The following SLC38A10 variants were observed in gnomAD, a reference collection of about 807,000 sequenced individuals.
SLC38A10 encodes the protein Sodium-coupled neutral amino acid transporter 10.
A neutral mutation model predicts 81.0 loss-of-function variants in SLC38A10; 53 were observed. That is an observed-to-expected ratio of 0.65 (90% confidence interval 0.53 to 0.82). The LOEUF (loss-of-function observed/expected upper bound fraction) is 0.82. Ranked by LOEUF, SLC38A10 falls within the 40% of genes least tolerant of loss-of-function variation. The pLI is 0.00. For missense variants in SLC38A10, 1,471 were observed against 1,545.0 expected (o/e 0.95, Z 0.80); for synonymous variants, 665 against 655.3 (o/e 1.01, Z -0.23).
At chr17:81,284,031 C>T (rs1256368611) in intron 3 of SLC38A10, among the ~76,000 whole-genome samples, 4 of 151,976 alleles carry the variant, frequency 2.6e-5, no homozygotes. Context: ...GTATTATACT[C>T]GCCCCTCTGC....
chr17:81,269,826 A>G (rs1323967888), intron 10 of SLC38A10, among the ~76,000 whole-genome samples: 1 of 151,852 alleles, frequency 6.6e-6, no homozygotes, highest in East Asian at 2.0e-4. Context: ...CTCACTAAAA[A>G]TACAAAATTA....
At chr17:81,274,656 C>T (rs73358138) in intron 8 of SLC38A10, among the ~76,000 whole-genome samples, 4,803 of 152,280 alleles carry the variant, frequency 0.032, 152 homozygotes, top group African/African-American at 0.084. Context: ...GGCGTCTGCA[C>T]CCCCATGCTC....
intron 14 of SLC38A10, among the ~76,000 whole-genome samples, chr17:81,248,763 TC>T (rs1486346063): frequency 6.6e-6 from 1 of 152,210 alleles, no homozygotes; most frequent in African/African-American, 2.4e-5. Flanking sequence ...GTCAGCATTC[TC>T]CCAGGAACGC....
intron 6 of SLC38A10, among the ~76,000 whole-genome samples, chr17:81,278,540 T>A (rs982953467): frequency 1.2e-4 from 18 of 151,994 alleles, no homozygotes; most frequent in African/African-American, 3.1e-4. Context: ...ACATGAGCCT[T>A]CCCCTCGGCC....
chr17:81,294,651 A>T (rs2063333933), intron 1 of SLC38A10, among the ~76,000 whole-genome samples, 172 bp downstream of exon 1: 1 of 152,096 alleles, frequency 6.6e-6, no homozygotes, highest in Non-Finnish European at 1.5e-5. Flanking sequence ...CTTCTCATCC[A>T]CGGATTCTCT....
rs1464875893 is a variant in SLC38A10 at position 81,270,753 on chromosome 17, A to T, written c.1131+165T>A. 6.6e-6 allele frequency among the ~76,000 whole-genome samples: 1 copy of T among 152,148 alleles called. No individual in the cohort carries two copies. Among genetic ancestry groups the T allele is most frequent in the Admixed American group, 6.5e-5 (1 of 15,268 alleles). ...GGGCAAAGACCGTGCGTCCTGGTGA[A>T]CCCAGGGTTCCCCAGGCTGACTGGA... On this transcript the variant is annotated intron_variant, in intron 10 of 15. Transcript: ENST00000374759. This position sits in a 1 kb window ranked among gnomAD's most constrained non-coding sequence, Gnocchi z 4.0.
rs1228951462 is a variant in SLC38A10, at chr17:81,283,177, G to A, written c.357+232C>T. 6.6e-6 allele frequency among the ~76,000 whole-genome samples: 1 copy of A among 151,792 alleles called. No individual in the cohort carries two copies. The highest frequency in any genetic ancestry group is 2.4e-5 in the African/African-American group (1 of 41,340). ...GCCCGGGTCTGAGGCTCCCCCACCC[G>A]CCCCTCATCTACATGGTGTCAGACT... is the stretch of plus-strand genomic sequence containing the variant. On this transcript the variant is annotated intron_variant, in intron 4 of 15. Transcript: ENST00000374759. This position sits in a 1 kb window ranked among gnomAD's most constrained non-coding sequence, Gnocchi z 4.7.
chr17:81,245,660 G>A lies in SLC38A10; in HGVS notation c.3256C>T (p.Arg1086Cys), dbSNP rs375676283. 56 of 1,611,110 alleles carry A rather than the reference G, an allele frequency of 3.5e-5. No homozygotes were observed. Among genetic ancestry groups the A allele is most frequent in the South Asian group, 5.5e-5 (5 of 90,922 alleles). Residue 1086 changes from arginine (R) to cysteine (C), a missense_variant, in exon 16 of 16, where the codon CGT becomes TGT. Arg to Cys is a radical substitution (Grantham distance 180). Transcript: ENST00000374759. Reference protein sequence around the residue: ...PLPDVQVNDLRGALDAQLRQA... With the variant: ...PLPDVQVNDLCGALDAQLRQA... Reference sequence around the variant, plus strand: ...CGGAGCTGGGCATCCAGGGCGCCACGGAGGTCGTTCACCTGGACATCAGGC... The same window carrying A: ...CGGAGCTGGGCATCCAGGGCGCCACAGAGGTCGTTCACCTGGACATCAGGC...
chr17:81,280,665 G>A lies in SLC38A10; in HGVS notation c.570C>T (p.Arg190=). The A allele has an allele frequency of 6.2e-7, 1 of 1,611,262 alleles. No homozygotes were observed. Among genetic ancestry groups the A allele is most frequent in the Non-Finnish European group, 8.5e-7 (1 of 1,179,404 alleles). Residue 190 remains arginine, a synonymous_variant, in exon 6 of 16, where the codon CGC becomes CGT. Coordinates refer to ENST00000374759, the MANE Select transcript of SLC38A10 (RefSeq NM_001037984.3). ...GGATGCAGCGGAAGACGCCCTCCCA[G>A]CGGACGTAGCTGACCCGCCGCAGCC... is the stretch of plus-strand genomic sequence containing the variant. The part of the protein sequence containing the change: ...GQWLRRVSYV[R]WEGVFRCIPI...
chr17:81,287,496 A>G (rs1272471479), intron 2 of SLC38A10, among the ~76,000 whole-genome samples: 2 of 152,234 alleles, frequency 1.3e-5, no homozygotes, highest in East Asian at 3.8e-4. Context: ...GCCAGGGCAC[A>G]CTGCAGCTGA....
intron 1 of SLC38A10, among the ~76,000 whole-genome samples, chr17:81,291,210 C>A (rs535237113): frequency 6.6e-6 from 1 of 151,692 alleles, no homozygotes; most frequent in African/African-American, 2.4e-5. Flanking sequence ...GCTGGGCACA[C>A]TGGCTCACAA....
At position 81,289,513 on chromosome 17, in the gene SLC38A10, C is replaced by T. The variant is rs55932371; in HGVS notation, c.217+178G>A. Among the ~76,000 whole-genome samples, 857 of 151,840 alleles carry T rather than the reference C, an allele frequency of 5.6e-3. 6 individuals are homozygous for T. Among genetic ancestry groups the T allele is most frequent in the Non-Finnish European group, 9.4e-3 (638 of 67,958 alleles). On this transcript the variant is annotated intron_variant, in intron 2 of 15. Transcript: ENST00000374759. The surrounding 1 kb of genome is among the most constrained non-coding windows in gnomAD (Gnocchi z 5.9). ...TCAGCCTCCCAAATAGTAGCTGGGA[C>T]GACAGGCACGTGCAACCACACCCGG...
intron 10 of SLC38A10, among the ~76,000 whole-genome samples, chr17:81,268,552 T>G (rs2063089250): frequency 6.6e-6 from 1 of 151,958 alleles, no homozygotes; most frequent in South Asian, 2.1e-4. Context: ...ATTACAGGAG[T>G]GAGCCACCAT....
Position 81,251,474 on chromosome 17 carries a change from TGTAGGGC to T in SLC38A10, c.2065+12_2065+18del. The T allele has an allele frequency of 6.2e-7, 1 of 1,605,780 alleles. No homozygotes were observed. The highest frequency in any genetic ancestry group is 2.2e-5 in the East Asian group (1 of 44,676). ...GCTCCCTGGGCCTGAGGCAGGCGGC[TGTAGGGC>T]GGAGGCCTTACCCTCCAGCTGGCTG... On this transcript the variant is annotated intron_variant, in intron 14 of 15. Coordinates refer to ENST00000374759, the MANE Select transcript of SLC38A10 (RefSeq NM_001037984.3).
chr17:81,261,394 G>A (rs894478157), intron 10 of SLC38A10, among the ~76,000 whole-genome samples: 2 of 152,264 alleles, frequency 1.3e-5, no homozygotes, highest in Non-Finnish European at 2.9e-5. Context: ...GTTGGGCAGA[G>A]CCTGTGTGCA....
At position 81,253,281 on chromosome 17, in the gene SLC38A10, G is replaced by T. The variant is rs769428010; in HGVS notation, c.1289-41C>A. 3 of 1,601,000 alleles carry T rather than the reference G, an allele frequency of 1.9e-6. No individual in the cohort carries two copies. Among genetic ancestry groups the T allele is most frequent in the Non-Finnish European group, 2.6e-6 (3 of 1,171,098 alleles). On this transcript the variant is annotated intron_variant, in intron 11 of 15. Transcript: ENST00000374759. The surrounding 1 kb of genome is among the most constrained non-coding windows in gnomAD (Gnocchi z 4.1). The stretch of plus-strand genomic sequence containing the variant: ...AGTTAGGGAACTGCACTGCCAAGCA[G>T]CTCCAGGAGCGGGGCAGCTCTCCCT...
chr17:81,292,426 T>C (rs1483779559), intron 1 of SLC38A10, among the ~76,000 whole-genome samples: 2 of 151,844 alleles, frequency 1.3e-5, no homozygotes, highest in African/African-American at 4.8e-5. Flanking sequence ...CGCCCAGCTA[T>C]GTATATATAT....
intron 1 of SLC38A10, among the ~76,000 whole-genome samples, chr17:81,293,157 C>T (rs1287916734): frequency 1.3e-5 from 2 of 152,146 alleles, no homozygotes; most frequent in Admixed American, 6.5e-5. Flanking sequence ...AGCGAGACTC[C>T]GTCTTGAAAA....
chr17:81,280,156 G>C, intron 6 of SLC38A10: 1 of 454,722 alleles, frequency 2.2e-6, no homozygotes, highest in Non-Finnish European at 4.4e-6. Context: ...CACATTTACA[G>C]AGCCCTGCGT....
Sources: gnomAD v4.1 joint callset for allele counts (sites outside exome capture counted in the v4.1 genomes callset) on GRCh38, gnomAD v4.1.1 for gene constraint, Gnocchi (gnomAD v3.1) non-coding constraint, MANE v1.5 for transcripts, NCBI Gene and HGNC (gene_info 2026-07-23, HGNC 2026-07-21) for gene names.